MEI4: variants seen among roughly 807,000 people sequenced by gnomAD.
MEI4 encodes meiotic double-stranded break formation protein 4, also known as meiosis-specific protein MEI4.
Under a neutral mutation model 31.4 loss-of-function variants are expected in MEI4, and 27 were observed. That is an observed-to-expected ratio of 0.86 (90% CI 0.63 to 1.19). The LOEUF is 1.19. MEI4 is among the 50% of genes most tolerant of loss of function. The pLI is 0.00. For synonymous variants in MEI4, 122 were observed against 145.4 expected (o/e 0.84, Z 1.16); for missense variants, 329 against 398.9 (o/e 0.82, Z 1.49).
chr6:77,867,094 C>A (rs113645714), intron 4 of MEI4, among the ~76,000 whole-genome samples: 1 of 152,090 alleles, frequency 6.6e-6, no homozygotes, highest in African/African-American at 2.4e-5. Context: ...TAAAGACTTA[C>A]ATGTTAGACC....
intron 3 of MEI4, among the ~76,000 whole-genome samples, chr6:77,826,340 A>T (rs1205619305): frequency 1.3e-5 from 2 of 152,204 alleles, no homozygotes; most frequent in Non-Finnish European, 2.9e-5. Flanking sequence ...TTCTACACCC[A>T]GGGTCCCTCC....
intron 4 of MEI4, among the ~76,000 whole-genome samples, chr6:77,893,429 G>A (rs1379367893): frequency 6.6e-6 from 1 of 152,134 alleles, no homozygotes; most frequent in Non-Finnish European, 1.5e-5. Flanking sequence ...TTGACTTCCT[G>A]TCAACTATAA....
At chr6:77,886,685 G>A (rs978105285) in intron 4 of MEI4, among the ~76,000 whole-genome samples, 2 of 151,998 alleles carry the variant, frequency 1.3e-5, no homozygotes, top group African/African-American at 2.4e-5. Flanking sequence ...TGCCTACTTC[G>A]GCCTCCCAAA....
intron 3 of MEI4, among the ~76,000 whole-genome samples, chr6:77,784,034 A>G (rs1768667289): frequency 6.6e-6 from 1 of 152,122 alleles, no homozygotes; most frequent in Non-Finnish European, 1.5e-5. Context: ...TTCTTCTTCC[A>G]ATTTTTCTGC....
At chr6:77,716,867 T>C (rs1310965259) in intron 2 of MEI4, 1 of 983,746 alleles carries the variant, frequency 1.0e-6, no homozygotes, top group Non-Finnish European at 1.2e-6. Flanking sequence ...TCAAGCAAGG[T>C]AGAAAATGAT....
intron 2 of MEI4, among the ~76,000 whole-genome samples, chr6:77,759,163 C>T (rs1320290654): frequency 1.3e-5 from 2 of 152,100 alleles, no homozygotes; most frequent in Admixed American, 6.6e-5. Flanking sequence ...ATGTATGTAA[C>T]TCTTCTTGAA....
chr6:77,906,572 G>A (rs1024418851), intron 4 of MEI4, among the ~76,000 whole-genome samples: 1 of 152,156 alleles, frequency 6.6e-6, no homozygotes, highest in African/African-American at 2.4e-5. Context: ...TTTTCCTGCT[G>A]GAGAAGTTGT....
Position 77,923,133 on chromosome 6 carries a change from C to G in MEI4, c.945C>G (p.Tyr315Ter). The part of the protein sequence containing the change: ...YDVSRYENIF[Y>*]LFWVLEQLLQ... ...TGTCACGCTATGAAAACATTTTCTA[C>G]CTGTTCTGGGTTCTGGAGCAGCTTC... is the stretch of plus-strand genomic sequence containing the variant. The change falls in exon 5 of 5, where the codon TAC (tyrosine) becomes TAG (stop). Residue 315 changes from tyrosine (Y) to a stop codon, truncating the protein, a stop_gained. Transcript: ENST00000684080. LOFTEE classifies it high-confidence loss of function. The G allele has an allele frequency of 1.6e-6, 2 of 1,230,434 alleles. No homozygotes were observed. The highest frequency in any genetic ancestry group is 2.0e-6 in the Non-Finnish European group (2 of 986,780). The allele number at this position is 1,230,434 out of a possible 1,614,324, so 76.2% of individuals were successfully genotyped here. A position where few individuals can be genotyped will look rare whatever the true frequency, so the allele number is the denominator to read the frequency against.
intron 3 of MEI4, among the ~76,000 whole-genome samples, chr6:77,770,496 A>C (rs567021259): frequency 1.3e-4 from 20 of 148,528 alleles, no homozygotes; most frequent in South Asian, 2.1e-4. Context: ...ATTCTTCACA[A>C]AAAAAAAATT....
intron 3 of MEI4, among the ~76,000 whole-genome samples, chr6:77,819,819 A>G (rs1292826776): frequency 9.2e-5 from 14 of 152,256 alleles, no homozygotes; most frequent in East Asian, 3.9e-4. Context: ...AATTCCTTCT[A>G]TGTCCTCTAT....
At chr6:77,807,059 A>G (rs1169456995) in intron 3 of MEI4, among the ~76,000 whole-genome samples, 1 of 151,328 alleles carries the variant, frequency 6.6e-6, no homozygotes, top group Non-Finnish European at 1.5e-5. Context: ...GATCAGATTT[A>G]TGACTTAGAA....
At chr6:77,871,013 A>T (rs1771177701) in intron 4 of MEI4, among the ~76,000 whole-genome samples, 1 of 152,174 alleles carries the variant, frequency 6.6e-6, no homozygotes, top group African/African-American at 2.4e-5. Context: ...TAATAATGAT[A>T]CGGCTCATTT....
intron 3 of MEI4, among the ~76,000 whole-genome samples, chr6:77,815,129 A>G (rs768855239): frequency 2.6e-5 from 4 of 152,102 alleles, no homozygotes; most frequent in Non-Finnish European, 5.9e-5. Flanking sequence ...TAACCCCCAC[A>G]AGAAAGGGTG....
At chr6:77,816,181 C>T (rs771405144) in intron 3 of MEI4, among the ~76,000 whole-genome samples, 1 of 152,060 alleles carries the variant, frequency 6.6e-6, no homozygotes, top group Non-Finnish European at 1.5e-5. Flanking sequence ...AGGTAATTGC[C>T]TATGATATGT....
intron 3 of MEI4, among the ~76,000 whole-genome samples, chr6:77,776,161 T>G (rs9361280): frequency 9.2e-5 from 11 of 120,058 alleles, no homozygotes; most frequent in South Asian, 2.4e-4. Flanking sequence ...TAATTGTTTT[T>G]TTTTTGTTTT....
At position 77,680,128 on chromosome 6, in the gene MEI4, A is replaced by AAAAAAAAT. The variant is rs1247876878; in HGVS notation, c.-14-10529_-14-10528insAAAAAATA. Among the ~76,000 whole-genome samples, 119 of 115,604 alleles carry AAAAAAAAT rather than the reference A, an allele frequency of 1.0e-3. 14 individuals carry two copies. The highest frequency in any genetic ancestry group is 1.7e-3 in the Non-Finnish European group (90 of 52,416). 75.8% of individuals were successfully genotyped at this position (115,604 alleles called of 152,430 possible). A position where few individuals can be genotyped will look rare whatever the true frequency, so the allele number is the denominator to read the frequency against. On this transcript the variant is annotated intron_variant, in intron 1 of 4. Coordinates refer to ENST00000684080, the MANE Select transcript of MEI4 (RefSeq NM_001322247.2). The stretch of plus-strand genomic sequence containing the variant: ...CTACTAAAAATACAAAAAAAAAAAA[A>AAAAAAAAT]ATTAGCTGGGCGTGATGGCGGGCGC...
intron 4 of MEI4, among the ~76,000 whole-genome samples, chr6:77,904,340 C>T (rs1766247084): frequency 1.3e-5 from 2 of 151,948 alleles, no homozygotes. Context: ...TCAGGGAGTA[C>T]ATGTGCAGTT....
intron 4 of MEI4, among the ~76,000 whole-genome samples, chr6:77,906,311 A>G (rs964728495): frequency 1.3e-5 from 2 of 152,096 alleles, no homozygotes; most frequent in Non-Finnish European, 2.9e-5. Context: ...CAGACTCTGC[A>G]TACTAGTTTT....
intron 4 of MEI4, among the ~76,000 whole-genome samples, chr6:77,883,717 G>GATAGATATATATATATATATATATAT (rs1554172067): frequency 9.2e-5 from 4 of 43,322 alleles, no homozygotes; most frequent in Admixed American, 5.0e-4. Flanking sequence ...TATTATGTAA[G>GATAGATATATATATATATATATATAT]ATATATATAT....
Sources: gnomAD v4.1 joint callset for allele counts (sites outside exome capture counted in the v4.1 genomes callset) on GRCh38, gnomAD v4.1.1 for gene constraint, MANE v1.5 for transcripts, NCBI Gene and HGNC (gene_info 2026-07-23, HGNC 2026-07-21) for gene names.